Variants in NKAIN3 observed in about 807,000 individuals in gnomAD.
NKAIN3 encodes sodium/potassium-transporting ATPase subunit beta-1-interacting protein 3.
A neutral mutation model predicts 30.2 loss-of-function variants in NKAIN3; 25 were observed. The observed-to-expected ratio is 0.83, with a 90% CI of 0.60 to 1.16. The LOEUF (loss-of-function observed/expected upper bound fraction) is 1.16. Among genes scored for constraint, NKAIN3 ranks in the 50% most tolerant of loss-of-function variants. The pLI is 0.00. For missense variants in NKAIN3, 225 were observed against 254.1 expected, an observed-to-expected ratio of 0.89 and a Z score of 0.78; for synonymous variants, 91 against 89.6, an observed-to-expected ratio of 1.02 and a Z score of -0.09.
At chr8:62,318,639 T>A (rs1381243329) in intron 1 of NKAIN3, among the ~76,000 whole-genome samples, 1 of 152,242 alleles carries the variant, frequency 6.6e-6, no homozygotes, top group East Asian at 1.9e-4. Context: ...TTACGTTTAT[T>A]GATTTGCATA....
chr8:62,322,315 G>A (rs560499898), intron 1 of NKAIN3, among the ~76,000 whole-genome samples: 352 of 152,142 alleles, frequency 2.3e-3, no homozygotes, highest in Middle Eastern at 0.01. Flanking sequence ...GCTCACGCTC[G>A]GTGCACTGTA....
chr8:62,666,983 A>C (rs1236299683), intron 3 of NKAIN3, among the ~76,000 whole-genome samples: 1 of 152,094 alleles, frequency 6.6e-6, no homozygotes, highest in Non-Finnish European at 1.5e-5. Flanking sequence ...AAAAAATTTA[A>C]CTCCTATCAA....
At chr8:62,708,479 C>A (rs1814608108) in intron 3 of NKAIN3, among the ~76,000 whole-genome samples, 1 of 151,792 alleles carries the variant, frequency 6.6e-6, no homozygotes. Flanking sequence ...TTATTTTTTG[C>A]AGCTATTGTA....
chr8:62,415,564 C>T (rs1383900545), intron 1 of NKAIN3, among the ~76,000 whole-genome samples: 1 of 150,434 alleles, frequency 6.6e-6, no homozygotes, highest in African/African-American at 2.4e-5. Flanking sequence ...TCTTTCAACA[C>T]CTTCATTTTT....
chr8:62,487,379 A>G (rs1806935848), intron 1 of NKAIN3, among the ~76,000 whole-genome samples: 2 of 152,224 alleles, frequency 1.3e-5, no homozygotes, highest in Admixed American at 1.3e-4. Flanking sequence ...CACGGATGGC[A>G]GTAGTTGGAA....
chr8:62,368,643 C>T (rs1382142225), intron 1 of NKAIN3, among the ~76,000 whole-genome samples: 1 of 152,156 alleles, frequency 6.6e-6, no homozygotes, highest in East Asian at 1.9e-4. Flanking sequence ...CAAAAAACAC[C>T]TTGTGCAAAA....
At chr8:62,357,113 A>G (rs1816386105) in intron 1 of NKAIN3, among the ~76,000 whole-genome samples, 1 of 151,896 alleles carries the variant, frequency 6.6e-6, no homozygotes, top group African/African-American at 2.4e-5. Context: ...AAAATAAAAA[A>G]CAAACAAACA....
intron 1 of NKAIN3, among the ~76,000 whole-genome samples, chr8:62,406,039 G>T (rs955936296): frequency 6.6e-6 from 1 of 151,958 alleles, no homozygotes; most frequent in Non-Finnish European, 1.5e-5. Context: ...GATCAATATG[G>T]CTCACTACAG....
At chr8:62,630,444 G>C (rs1378297858) in intron 3 of NKAIN3, among the ~76,000 whole-genome samples, 1 of 152,152 alleles carries the variant, frequency 6.6e-6, no homozygotes, top group African/African-American at 2.4e-5. Context: ...TTCATTAAAA[G>C]TAGCACTTCA....
intron 1 of NKAIN3, among the ~76,000 whole-genome samples, chr8:62,282,410 A>G (rs1468793978): frequency 6.6e-6 from 1 of 152,142 alleles, no homozygotes; most frequent in East Asian, 1.9e-4. Flanking sequence ...ATACCCAAAA[A>G]TTTTCTAGGG....
intron 3 of NKAIN3, among the ~76,000 whole-genome samples, chr8:62,715,636 C>G (rs534631451): frequency 6.6e-6 from 1 of 152,272 alleles, no homozygotes; most frequent in East Asian, 1.9e-4. Flanking sequence ...CTGTGTCTGT[C>G]ACACTGTAAG....
intron 4 of NKAIN3, among the ~76,000 whole-genome samples, chr8:62,903,692 T>C (rs1037744359): frequency 6.6e-6 from 1 of 152,190 alleles, no homozygotes; most frequent in African/African-American, 2.4e-5. Context: ...CACGCTGCTA[T>C]GAAGAAATAC....
At chr8:62,872,454 C>T (rs1438972071) in intron 4 of NKAIN3, among the ~76,000 whole-genome samples, 2 of 152,190 alleles carry the variant, frequency 1.3e-5, no homozygotes, top group East Asian at 3.9e-4. Flanking sequence ...AGCTCATGCA[C>T]AACAGCTGAG....
intron 1 of NKAIN3, among the ~76,000 whole-genome samples, chr8:62,392,871 T>G (rs1817618862): frequency 6.6e-6 from 1 of 152,028 alleles, no homozygotes; most frequent in Non-Finnish European, 1.5e-5. Flanking sequence ...AATATATGAC[T>G]TAGAGATAAG....
intron 1 of NKAIN3, among the ~76,000 whole-genome samples, chr8:62,487,281 A>G (rs538674101): frequency 1.3e-5 from 2 of 152,330 alleles, no homozygotes; most frequent in East Asian, 1.9e-4. Flanking sequence ...GGGTTGTGCT[A>G]AGAAACTGAG....
rs1415475110 is a variant in NKAIN3 at position 62,919,226 on chromosome 8, A to ATTTTTTT, written c.532+713_532+714insTTTTTTT. Among the ~76,000 whole-genome samples the ATTTTTTT allele has an allele frequency of 8.7e-4, 77 of 88,400 alleles. 1 individual carries two copies. Among genetic ancestry groups the ATTTTTTT allele is most frequent in the African/African-American group, 1.2e-3 (25 of 20,224 alleles). 58.0% of individuals were successfully genotyped at this position (88,400 alleles called of 152,430 possible). ...CTCACTTTTTTTTATTTACTTTCAAAATTTTTTTTTTTTTTTTTTTTTTTT... is the reference window on the plus strand; with the variant it reads ...CTCACTTTTTTTTATTTACTTTCAAATTTTTTTATTTTTTTTTTTTTTTTTTTTTTTT... On this transcript the variant is annotated intron_variant, in intron 5 of 6. Transcript: ENST00000623646.
intron 1 of NKAIN3, among the ~76,000 whole-genome samples, chr8:62,486,669 C>T (rs965367530): frequency 6.6e-6 from 1 of 152,160 alleles, no homozygotes; most frequent in African/African-American, 2.4e-5. Context: ...ACAGAGAAAA[C>T]TTCCGACACA....
intron 1 of NKAIN3, among the ~76,000 whole-genome samples, chr8:62,434,199 A>C (rs1805100370): frequency 6.6e-6 from 1 of 152,178 alleles, no homozygotes; most frequent in Admixed American, 6.6e-5. Flanking sequence ...ACTCTTCTTA[A>C]GACTGTCCAT....
At chr8:62,249,494 CG>C (rs1236738225) in intron 1 of NKAIN3, among the ~76,000 whole-genome samples, 1 of 152,258 alleles carries the variant, frequency 6.6e-6, no homozygotes, top group African/African-American at 2.4e-5. Context: ...TGAAGTTACA[CG>C]GGGACTTGCG....
Sources: allele counts gnomAD v4.1 joint callset (sites outside exome capture counted in the v4.1 genomes callset), GRCh38; gene constraint gnomAD v4.1.1; transcripts MANE v1.5; gene names NCBI Gene and HGNC (gene_info 2026-07-23, HGNC 2026-07-21).